The following GPC6 variants were observed in gnomAD, a reference collection of about 807,000 sequenced individuals.
The protein encoded by GPC6 is glypican-6.
In GPC6, 14 loss-of-function variants were observed where a neutral mutation model predicts 55.2. The observed-to-expected ratio is 0.25, with a 90% confidence interval of 0.17 to 0.40. The LOEUF (loss-of-function observed/expected upper bound fraction) is 0.40, where lower values mean the gene tolerates loss of function less well. Among genes scored for constraint, GPC6 ranks in the 10% least tolerant of loss-of-function variants. GPC6 has a pLI of 1.00. For missense variants in GPC6, 641 were observed against 708.5 expected, an observed-to-expected ratio of 0.90 and a Z score of 1.08; for synonymous variants, 278 against 259.6, an observed-to-expected ratio of 1.07 and a Z score of -0.68.
At chr13:93,509,711 T>C (rs1398946361) in intron 1 of GPC6, among the ~76,000 whole-genome samples, 1 of 152,196 alleles carries the variant, frequency 6.6e-6, no homozygotes, top group Non-Finnish European at 1.5e-5. Context: ...TTAACACCAT[T>C]TGTTCCATGT....
chr13:93,538,171 G>C (rs914664609), intron 1 of GPC6, among the ~76,000 whole-genome samples: 1 of 152,030 alleles, frequency 6.6e-6, no homozygotes, highest in Non-Finnish European at 1.5e-5. Flanking sequence ...CCATGTTTCT[G>C]GTTCATTGTT....
chr13:94,140,496 C>CTGT (rs1348043096), intron 4 of GPC6, among the ~76,000 whole-genome samples: 1 of 152,150 alleles, frequency 6.6e-6, no homozygotes, highest in Non-Finnish European at 1.5e-5. Flanking sequence ...GTTCTGGGAA[C>CTGT]TGTTGGAAGC....
At chr13:93,469,197 A>G (rs1879022143) in intron 1 of GPC6, among the ~76,000 whole-genome samples, 1 of 152,218 alleles carries the variant, frequency 6.6e-6, no homozygotes. Context: ...TCAAAATTCA[A>G]TAATTTTGAA....
intron 1 of GPC6, among the ~76,000 whole-genome samples, chr13:93,497,218 C>G (rs1880337778): frequency 6.6e-6 from 1 of 152,150 alleles, no homozygotes; most frequent in Non-Finnish European, 1.5e-5. Flanking sequence ...AGATAGTAGC[C>G]TAGGGCATCT....
At chr13:94,237,905 G>C (rs1473876968) in intron 4 of GPC6, among the ~76,000 whole-genome samples, 2 of 152,186 alleles carry the variant, frequency 1.3e-5, no homozygotes, top group East Asian at 3.9e-4. Context: ...AAGGAGCTGA[G>C]AAGAGATGCT....
chr13:93,402,305 A>C (rs187188365), intron 1 of GPC6, among the ~76,000 whole-genome samples: 11 of 152,298 alleles, frequency 7.2e-5, no homozygotes, highest in Non-Finnish European at 1.3e-4. Context: ...AGCCAACTTC[A>C]TAAGCGCTAG....
At chr13:93,990,983 A>C (rs963031970) in intron 3 of GPC6, among the ~76,000 whole-genome samples, 2 of 151,758 alleles carry the variant, frequency 1.3e-5, no homozygotes, top group Non-Finnish European at 2.9e-5. Context: ...GAAGGAAGGA[A>C]GGAAGTTAGT....
intron 6 of GPC6, among the ~76,000 whole-genome samples, chr13:94,348,782 T>C (rs1186206718): frequency 1.3e-5 from 2 of 152,212 alleles, no homozygotes; most frequent in African/African-American, 2.4e-5. Flanking sequence ...GAATCCCTGA[T>C]TAAATGTTTA....
At chr13:93,456,283 GAA>G (rs1462372095) in intron 1 of GPC6, among the ~76,000 whole-genome samples, 10 of 152,200 alleles carry the variant, frequency 6.6e-5, no homozygotes, top group African/African-American at 2.2e-4. Context: ...CGAGAAAGTT[GAA>G]TGAACTTTCT....
At chr13:93,556,512 C>T (rs1265871447) in intron 2 of GPC6, among the ~76,000 whole-genome samples, 1 of 150,586 alleles carries the variant, frequency 6.6e-6, no homozygotes, top group Non-Finnish European at 1.5e-5. Flanking sequence ...TATCCATCCC[C>T]TCAAGCATTT....
Position 94,404,069 on chromosome 13 carries a change from G to A in GPC6, c.*852G>A, listed in dbSNP as rs999734545. ...TTCACCTTCCTCAAGAGTCTCAATT[G>A]AAAATAATCTTTGATGATACAATCT... is the stretch of plus-strand genomic sequence containing the variant. On this transcript the variant is annotated 3_prime_UTR_variant, in exon 9 of 9. Coordinates refer to ENST00000377047, the MANE Select transcript of GPC6 (RefSeq NM_005708.5). 6.6e-6 allele frequency: 1 copy of A among 152,076 alleles called. No homozygotes were observed. The highest frequency in any genetic ancestry group is 1.5e-5 in the Non-Finnish European group (1 of 68,034). 9.4% of individuals were successfully genotyped at this position (152,076 alleles called of 1,614,324 possible). A position where few individuals can be genotyped will look rare whatever the true frequency, so the allele number is the denominator to read the frequency against.
chr13:94,079,325 C>A (rs1390477856), intron 4 of GPC6, among the ~76,000 whole-genome samples: 2 of 152,032 alleles, frequency 1.3e-5, no homozygotes, highest in African/African-American at 4.8e-5. Context: ...CAATTAAATT[C>A]TGCGATCCTT....
At chr13:93,723,638 A>G (rs1883528789) in intron 2 of GPC6, among the ~76,000 whole-genome samples, 2 of 151,796 alleles carry the variant, frequency 1.3e-5, no homozygotes, top group South Asian at 4.1e-4. Flanking sequence ...TTATCCAGCC[A>G]TGGATAACTG....
intron 2 of GPC6, among the ~76,000 whole-genome samples, chr13:93,597,845 G>C (rs948027192): frequency 1.9e-4 from 29 of 152,040 alleles, no homozygotes; most frequent in Admixed American, 1.8e-3. Context: ...TGCTTCTGGG[G>C]AGTCAAAAGT....
chr13:93,935,076 A>G (rs942648305), intron 3 of GPC6, among the ~76,000 whole-genome samples: 3 of 152,194 alleles, frequency 2.0e-5, no homozygotes, highest in East Asian at 1.9e-4. Flanking sequence ...ACTTGTTAAT[A>G]CGGCCTCTAT....
chr13:93,924,418 A>C (rs2140348235), intron 3 of GPC6, among the ~76,000 whole-genome samples: 2 of 152,348 alleles, frequency 1.3e-5, no homozygotes, highest in South Asian at 4.1e-4. Flanking sequence ...GTGTTTTAAC[A>C]AACATTTTAT....
chr13:94,198,744 A>G (rs1396088816), intron 4 of GPC6, among the ~76,000 whole-genome samples: 1 of 152,178 alleles, frequency 6.6e-6, no homozygotes, highest in Non-Finnish European at 1.5e-5. Context: ...TCATCCTAAC[A>G]CACATCTCAT....
At chr13:93,632,621 A>G (rs908583896) in intron 2 of GPC6, among the ~76,000 whole-genome samples, 61 of 139,740 alleles carry the variant, frequency 4.4e-4, no homozygotes, top group African/African-American at 1.5e-3. Flanking sequence ...ATATATGTAT[A>G]TATATATATA....
At chr13:93,830,871 G>C in intron 3 of GPC6, 1 of 279,746 alleles carries the variant, frequency 3.6e-6, no homozygotes, top group South Asian at 4.2e-5. Context: ...TTCTGATCAG[G>C]GTTTTAAGGA....
Sources: allele counts gnomAD v4.1 joint callset (sites outside exome capture counted in the v4.1 genomes callset), GRCh38; gene constraint gnomAD v4.1.1; transcripts MANE v1.5; gene names NCBI Gene and HGNC (gene_info 2026-07-23, HGNC 2026-07-21).